Variants in DTX3L observed in about 807,000 individuals in gnomAD.
The protein encoded by DTX3L is deltex E3 ubiquitin ligase 3L.
Under a neutral mutation model 60.9 loss-of-function variants are expected in DTX3L, and 34 were observed. The observed-to-expected ratio is 0.56, with a 90% CI of 0.42 to 0.74. The LOEUF (loss-of-function observed/expected upper bound fraction) is 0.74, where lower values mean the gene tolerates loss of function less well. Among genes scored for constraint, DTX3L ranks in the 30% least tolerant of loss-of-function variants. The probability of loss-of-function intolerance (pLI) is 0.00; values close to 1 mark genes in which losing one functional copy is unlikely to be tolerated. For synonymous variants in DTX3L, 290 were observed against 316.6 expected (o/e 0.92, Z 0.89); for missense variants, 810 against 874.0 (o/e 0.93, Z 0.92).
chr3:122,566,138 T>C (rs1410072766), intron 2 of DTX3L, 68 bp downstream of exon 2: 2 of 1,422,564 alleles, frequency 1.4e-6, no homozygotes, highest in Non-Finnish European at 9.8e-7. Flanking sequence ...CATGTATTAT[T>C]GATCCAACAC....
intron 1 of DTX3L, 128 bp from the exon 2 acceptor site, chr3:122,565,731 C>A: frequency 1.2e-6 from 1 of 842,116 alleles, no homozygotes; most frequent in Non-Finnish European, 1.9e-6. Context: ...ACCCACCATT[C>A]CAGGATGCAG....
Position 122,575,103 on chromosome 3 carries a change from A to C in DTX3L, c.*3356A>C, listed in dbSNP as rs1325619183. ...GCACTGTGTGTGACATGCAAGTTTC[A>C]TGGTGTGGGAGATTGCAGAGCATTT... On this transcript the variant is annotated 3_prime_UTR_variant, in exon 5 of 5. Transcript: ENST00000296161. The C allele has an allele frequency of 6.6e-6, 1 of 152,232 alleles. No individual in the cohort carries two copies. Among genetic ancestry groups the C allele is most frequent in the Non-Finnish European group, 1.5e-5 (1 of 68,036 alleles). The allele number at this position is 152,232 out of a possible 1,614,324, so 9.4% of individuals were successfully genotyped here.
At chr3:122,567,034 C>G (rs2080597602) in intron 2 of DTX3L, among the ~76,000 whole-genome samples, 2 of 152,050 alleles carry the variant, frequency 1.3e-5, no homozygotes, top group Non-Finnish European at 2.9e-5. Flanking sequence ...CGGAAAGTGT[C>G]CTAGAGGGAA....
chr3:122,567,642 CAAG>C (rs2080600825), intron 2 of DTX3L, among the ~76,000 whole-genome samples: 1 of 152,102 alleles, frequency 6.6e-6, no homozygotes, highest in East Asian at 1.9e-4. Context: ...TTAGTTGAAA[CAAG>C]AATAAAGGAG....
intron 1 of DTX3L, 147 bp downstream of exon 1, chr3:122,564,760 C>A: frequency 9.8e-7 from 1 of 1,021,482 alleles, no homozygotes; most frequent in Non-Finnish European, 1.4e-6. Flanking sequence ...GCCCTACTGC[C>A]AAGAGACTCA....
In DTX3L at chr3:122,570,478, G is replaced by A. The variant is rs370422854; in HGVS notation, c.1959G>A (p.Lys653=). The part of the protein sequence containing the change: ...IQTEEHPNPG[K]RYPGIQRTAY... ...AGGAAGAACACCCAAACCCAGGAAAGAGATACCCTGGAATACAGCGAACTG... is the reference window on the plus strand; with the variant it reads ...AGGAAGAACACCCAAACCCAGGAAAAAGATACCCTGGAATACAGCGAACTG... The change falls in exon 4 of 5, where the codon AAG becomes AAA. Residue 653 remains lysine, a synonymous_variant. Coordinates refer to ENST00000296161, the MANE Select transcript of DTX3L (RefSeq NM_138287.3). 44 of 1,614,138 alleles carry A rather than the reference G, an allele frequency of 2.7e-5. No individual in the cohort carries two copies. Among genetic ancestry groups the A allele is most frequent in the Non-Finnish European group, 3.7e-5 (44 of 1,180,030 alleles).
chr3:122,570,979 C>T (rs182159976), intron 4 of DTX3L, among the ~76,000 whole-genome samples: 4 of 152,214 alleles, frequency 2.6e-5, no homozygotes, highest in African/African-American at 9.6e-5. Context: ...GCTAGATGCT[C>T]GGAATGTCAC....
In DTX3L at chr3:122,569,260, G is replaced by A; in HGVS notation, c.1171G>A (p.Glu391Lys). 6.2e-7 allele frequency: 1 copy of A among 1,614,026 alleles called. No individual in the cohort carries two copies. The highest frequency in any genetic ancestry group is 8.5e-7 in the Non-Finnish European group (1 of 1,180,000). Residue 391 changes from glutamate to lysine, a missense_variant, in exon 3 of 5, where the codon GAA (glutamate) becomes AAA (lysine). By Grantham distance (56) the Glu-to-Lys change is moderately conservative. Coordinates refer to ENST00000296161, the MANE Select transcript of DTX3L (RefSeq NM_138287.3). Reference sequence around the variant, plus strand: ...TGCCCACTATAAACTTTTAGAAACTGAATTACTACAGGAGATATCAGAGAT... The same window carrying A: ...TGCCCACTATAAACTTTTAGAAACTAAATTACTACAGGAGATATCAGAGAT... ...DSAHYKLLET[E>K]LLQEISEIEK...
rs2080667221 is a variant in DTX3L at position 122,574,181 on chromosome 3, A to C, written c.*2434A>C. The C allele has an allele frequency of 6.6e-6, 1 of 151,996 alleles. No individual in the cohort carries two copies. The highest frequency in any genetic ancestry group is 1.5e-5 in the Non-Finnish European group (1 of 68,006). 9.4% of individuals were successfully genotyped at this position (151,996 alleles called of 1,614,324 possible). ...ACAAAATAAACTTACTCTAGTTTCCATCTCTATCATTTTATAATAACCGTA... is the reference window on the plus strand; with the variant it reads ...ACAAAATAAACTTACTCTAGTTTCCCTCTCTATCATTTTATAATAACCGTA... On this transcript the variant is annotated 3_prime_UTR_variant, in exon 5 of 5. Transcript: ENST00000296161.
chr3:122,568,428 G>C (rs752656917), intron 2 of DTX3L, 61 bp from the exon 3 acceptor site: 9 of 1,389,062 alleles, frequency 6.5e-6, no homozygotes, highest in Non-Finnish European at 8.6e-6. Context: ...CTCCTGAAGA[G>C]AAGATGGTAG....
chr3:122,568,459 T>C (rs777224033), intron 2 of DTX3L, 30 bp from the exon 3 acceptor site: 1 of 1,542,474 alleles, frequency 6.5e-7, no homozygotes, highest in South Asian at 1.3e-5. Context: ...TGAGAGGTTT[T>C]ATTTGTTCCT....
At chr3:122,565,511 C>CT (rs1301242100) in intron 1 of DTX3L, among the ~76,000 whole-genome samples, 2 of 36,188 alleles carry the variant, frequency 5.5e-5, no homozygotes, top group African/African-American at 2.3e-4. Flanking sequence ...GAGACTCCGT[C>CT]TAAAAAAAAA....
At chr3:122,567,628 G>C (rs1449900647) in intron 2 of DTX3L, among the ~76,000 whole-genome samples, 1 of 152,184 alleles carries the variant, frequency 6.6e-6, no homozygotes. Flanking sequence ...ATGCAGTCGA[G>C]TGTTTAGTTG....
chr3:122,570,140 C>G (rs781298795), intron 3 of DTX3L, 116 bp downstream of exon 3: 1 of 1,133,200 alleles, frequency 8.8e-7, no homozygotes, highest in South Asian at 1.3e-5. Flanking sequence ...TCTCCAGGGT[C>G]ATGTGCAAGG....
chr3:122,565,787 A>G (rs546228410), intron 1 of DTX3L, 72 bp from the exon 2 acceptor site: 626 of 1,462,504 alleles, frequency 4.3e-4, no homozygotes, highest in Non-Finnish European at 2.7e-4. Context: ...CAGACACAGG[A>G]ATGAGAGGAT....
intron 2 of DTX3L, among the ~76,000 whole-genome samples, chr3:122,567,629 T>C (rs1169360289): frequency 6.6e-6 from 1 of 152,170 alleles, no homozygotes; most frequent in Non-Finnish European, 1.5e-5. Flanking sequence ...TGCAGTCGAG[T>C]GTTTAGTTGA....
In DTX3L at chr3:122,565,930, G is replaced by A. The variant is rs1342577550; in HGVS notation, c.259G>A (p.Val87Ile). 1 of 1,613,912 alleles carries A rather than the reference G, an allele frequency of 6.2e-7. No homozygotes were observed. Among genetic ancestry groups the A allele is most frequent in the Non-Finnish European group, 8.5e-7 (1 of 1,180,028 alleles). Residue 87 changes from valine to isoleucine, a missense_variant, in exon 2 of 5, where the codon GTA becomes ATA. Coordinates refer to ENST00000296161, the MANE Select transcript of DTX3L (RefSeq NM_138287.3). ...CGAAAAACCTGTGCCCATTTTCCTG[G>A]TACCCACTGAAAATTCAATAAAGAA... is the stretch of plus-strand genomic sequence containing the variant. ...VDEKPVPIFLVPTENSIKKNT... is the reference protein window; with the variant it reads ...VDEKPVPIFLIPTENSIKKNT...
At position 122,568,551 on chromosome 3, in the gene DTX3L, C is replaced by T. The variant is rs2080620685; in HGVS notation, c.462C>T (p.Tyr154=). The T allele has an allele frequency of 6.2e-7, 1 of 1,614,002 alleles. No homozygotes were observed. The highest frequency in any genetic ancestry group is 1.7e-5 in the Admixed American group (1 of 59,994). ...CNLFSKEQRA[Y]ITTLCPSIRK... ...TGTTCTCCAAAGAGCAGAGGGCATA[C>T]ATAACCACACTGTGCCCTAGTATCA... The change falls in exon 3 of 5, where the codon TAC becomes TAT. Residue 154 remains tyrosine (Y), a synonymous_variant. Transcript: ENST00000296161.
At chr3:122,566,370 T>C (rs1053442059) in intron 2 of DTX3L, among the ~76,000 whole-genome samples, 1 of 138,544 alleles carries the variant, frequency 7.2e-6, no homozygotes, top group African/African-American at 2.6e-5. Context: ...TGGTGTTACT[T>C]CTTTTTTTCC....
Sources: allele counts gnomAD v4.1 joint callset (sites outside exome capture counted in the v4.1 genomes callset), GRCh38; gene constraint gnomAD v4.1.1; transcripts MANE v1.5; gene names NCBI Gene and HGNC (gene_info 2026-07-23, HGNC 2026-07-21).